The following CYB5R4 variants were observed in gnomAD, a reference collection of about 807,000 sequenced individuals.
The protein encoded by CYB5R4 is N-terminal cytochrome b5 and cytochrome b5 oxidoreductase domain-containing protein.
A neutral mutation model predicts 70.2 loss-of-function variants in CYB5R4; 55 were observed. The observed-to-expected ratio is 0.78, with a 90% CI of 0.63 to 0.98. The LOEUF (loss-of-function observed/expected upper bound fraction) is 0.98, where lower values mean the gene tolerates loss of function less well. CYB5R4 is among the 50% of genes least tolerant of loss of function. The pLI is 0.00. For missense variants in CYB5R4, 562 were observed against 612.6 expected, an observed-to-expected ratio of 0.92 and a Z score of 0.87; for synonymous variants, 197 against 199.5, an observed-to-expected ratio of 0.99 and a Z score of 0.11.
chr6:83,939,958 A>T, intron 12 of CYB5R4, 98 bp from the exon 13 acceptor site: 1 of 791,654 alleles, frequency 1.3e-6, no homozygotes, highest in Non-Finnish European at 2.0e-6. Flanking sequence ...TCAGTGTTTT[A>T]AATTCAGCTA....
At chr6:83,885,709 T>C (rs973940205) in intron 2 of CYB5R4, among the ~76,000 whole-genome samples, 4 of 152,190 alleles carry the variant, frequency 2.6e-5, no homozygotes, top group Non-Finnish European at 2.9e-5. Flanking sequence ...ATTTGTGATG[T>C]GATTCAGATT....
At chr6:83,914,016 A>T (rs2099465097) in intron 4 of CYB5R4, among the ~76,000 whole-genome samples, 1 of 152,172 alleles carries the variant, frequency 6.6e-6, no homozygotes, top group Admixed American at 6.5e-5. Context: ...TCTTTCTTTG[A>T]GTTGTTAATG....
chr6:83,889,625 C>A (rs2324482), intron 2 of CYB5R4, among the ~76,000 whole-genome samples: 2 of 152,098 alleles, frequency 1.3e-5, no homozygotes, highest in African/African-American at 4.8e-5. Context: ...TCTGATAGCA[C>A]TGTACGTCAT....
rs376183349 is a variant in CYB5R4, at chr6:83,936,285, A to G, written c.1017A>G (p.Glu339=). The stretch of plus-strand genomic sequence containing the variant: ...GTTCCTTACTCTCAGAGTTCAAGGA[A>G]CCAGTTCTTCCCAACAATAAATACA... ...VSGSLLSEFK[E]PVLPNNKYIY... The change falls in exon 12 of 16, where the codon GAA becomes GAG. Residue 339 remains glutamate, a synonymous_variant. Transcript: ENST00000369681. 1 of 1,611,942 alleles carries G rather than the reference A, an allele frequency of 6.2e-7. No individual in the cohort carries two copies. Among genetic ancestry groups the G allele is most frequent in the African/African-American group, 1.3e-5 (1 of 74,784 alleles).
intron 15 of CYB5R4, among the ~76,000 whole-genome samples, chr6:83,958,163 A>T (rs1028107291): frequency 2.6e-5 from 4 of 152,196 alleles, no homozygotes; most frequent in South Asian, 4.1e-4. Context: ...CCTATTTTTT[A>T]AAAAATACAG....
At chr6:83,917,634 A>G (rs1210589189) in intron 5 of CYB5R4, among the ~76,000 whole-genome samples, 3 of 152,184 alleles carry the variant, frequency 2.0e-5, no homozygotes, top group Non-Finnish European at 2.9e-5. Flanking sequence ...CTTATTTCAC[A>G]TAAGAACTGT....
intron 10 of CYB5R4, among the ~76,000 whole-genome samples, chr6:83,931,212 G>A (rs948177970): frequency 6.6e-6 from 1 of 152,180 alleles, no homozygotes; most frequent in African/African-American, 2.4e-5. Flanking sequence ...TTAAAACAAG[G>A]CCTACTGAGT....
At chr6:83,897,659 T>G (rs573992141) in intron 3 of CYB5R4, among the ~76,000 whole-genome samples, 1 of 152,372 alleles carries the variant, frequency 6.6e-6, no homozygotes, top group South Asian at 2.1e-4. Flanking sequence ...ATGATGAGCA[T>G]TTTTTCATGT....
intron 15 of CYB5R4, among the ~76,000 whole-genome samples, chr6:83,957,394 G>C (rs887509433): frequency 6.6e-6 from 1 of 152,004 alleles, no homozygotes; most frequent in South Asian, 2.1e-4. Flanking sequence ...GCCAAGGCAG[G>C]TGGATCACCT....
At chr6:83,940,634 A>G (rs2129143211) in intron 14 of CYB5R4, 33 bp downstream of exon 14, 2 of 1,579,650 alleles carry the variant, frequency 1.3e-6, no homozygotes, top group South Asian at 1.2e-5. Flanking sequence ...GCGTTTAGTT[A>G]TTTATACCTG....
At chr6:83,931,495 T>C (rs1414938498) in intron 10 of CYB5R4, among the ~76,000 whole-genome samples, 2 of 152,206 alleles carry the variant, frequency 1.3e-5, no homozygotes, top group Non-Finnish European at 2.9e-5. Context: ...AAAGGGAAAA[T>C]ACAGTTTCTT....
At chr6:83,951,033 T>G (rs999071514) in intron 14 of CYB5R4, among the ~76,000 whole-genome samples, 6 of 152,094 alleles carry the variant, frequency 3.9e-5, no homozygotes, top group Non-Finnish European at 8.8e-5. Flanking sequence ...GAGGCCAGGA[T>G]TGCTACAAAA....
chr6:83,900,498 C>T (rs1342016272), intron 3 of CYB5R4, among the ~76,000 whole-genome samples: 1 of 152,108 alleles, frequency 6.6e-6, no homozygotes, highest in Non-Finnish European at 1.5e-5. Flanking sequence ...TGGTGCAGAG[C>T]TGAGTTCAAT....
chr6:83,893,784 A>G (rs1406097654), intron 3 of CYB5R4, among the ~76,000 whole-genome samples, 162 bp downstream of exon 3: 3 of 152,204 alleles, frequency 2.0e-5, no homozygotes, highest in African/African-American at 7.2e-5. Flanking sequence ...CTGTTCATTT[A>G]ATTTGCCCTT....
chr6:83,900,332 C>T (rs993234323), intron 3 of CYB5R4, among the ~76,000 whole-genome samples: 10 of 152,054 alleles, frequency 6.6e-5, no homozygotes, highest in Non-Finnish European at 1.5e-4. Flanking sequence ...GTCTGAGAGA[C>T]AGTTTGTTAT....
rs928888768 is a variant in CYB5R4 at position 83,919,734 on chromosome 6, G to T, written c.564+280G>T. ...CATTCCTATAGCCTCTTAAAAATCAGAGTAGGAAGTATTTTATGTGTTTTT... is the reference window on the plus strand; with the variant it reads ...CATTCCTATAGCCTCTTAAAAATCATAGTAGGAAGTATTTTATGTGTTTTT... On this transcript the variant is annotated intron_variant, in intron 7 of 15. Coordinates refer to ENST00000369681, the MANE Select transcript of CYB5R4 (RefSeq NM_016230.4). 3.3e-5 allele frequency among the ~76,000 whole-genome samples: 5 copies of T among 151,102 alleles called. No homozygotes were observed. The East Asian group carries it at 9.7e-4, about 29-fold the overall frequency.
intron 3 of CYB5R4, among the ~76,000 whole-genome samples, chr6:83,908,758 T>C (rs1363166927): frequency 6.6e-6 from 1 of 152,160 alleles, no homozygotes; most frequent in Non-Finnish European, 1.5e-5. Flanking sequence ...ATGAAACAAA[T>C]TGAGACCTCA....
At chr6:83,869,497 A>T (rs2099457249) in intron 2 of CYB5R4, among the ~76,000 whole-genome samples, 3 of 152,178 alleles carry the variant, frequency 2.0e-5, no homozygotes, top group Admixed American at 2.0e-4. Context: ...AGACAAGGCT[A>T]TGTTCTGACT....
intron 2 of CYB5R4, among the ~76,000 whole-genome samples, chr6:83,892,787 C>T (rs2099461298): frequency 6.6e-6 from 1 of 151,922 alleles, no homozygotes; most frequent in Non-Finnish European, 1.5e-5. Context: ...GATTCTTCTA[C>T]CAGGGCAATA....
Sources: allele counts gnomAD v4.1 joint callset (sites outside exome capture counted in the v4.1 genomes callset), GRCh38; gene constraint gnomAD v4.1.1; transcripts MANE v1.5; gene names NCBI Gene and HGNC (gene_info 2026-07-23, HGNC 2026-07-21).